Variants in SIM1 observed in about 807,000 individuals in gnomAD.
SIM1 encodes the protein single-minded homolog 1.
In SIM1, 18 loss-of-function variants were observed where a neutral mutation model predicts 78.2. The ratio of observed to expected loss-of-function variants is 0.23; its 90% confidence interval spans 0.16 to 0.34. The LOEUF (loss-of-function observed/expected upper bound fraction) is 0.34, where lower values mean the gene tolerates loss of function less well. Among genes scored for constraint, SIM1 ranks in the 10% least tolerant of loss-of-function variants. The pLI, the probability that SIM1 is intolerant of heterozygous loss-of-function variation, is 1.00. For missense variants in SIM1, 939 were observed against 975.1 expected (o/e 0.96, Z 0.49); for synonymous variants, 417 against 385.2 (o/e 1.08, Z -0.97).
At chr6:100,458,006 TTCTCTCTCTCTCTC>T (rs71028024) in intron 2 of SIM1, among the ~76,000 whole-genome samples, 1,404 of 89,786 alleles carry the variant, frequency 0.016, 6 homozygotes, top group South Asian at 0.021. Flanking sequence ...GTCTCTCTCT[TTCTCTCTCTCTCTC>T]TCTCTCTCTC....
chr6:100,417,186 C>T (rs555614107), intron 10 of SIM1, among the ~76,000 whole-genome samples: 2 of 152,212 alleles, frequency 1.3e-5, no homozygotes, highest in Admixed American at 1.3e-4. Flanking sequence ...CTCCCTTATG[C>T]CCATATACCT....
intron 9 of SIM1, among the ~76,000 whole-genome samples, chr6:100,442,035 T>A (rs1266295312): frequency 6.6e-6 from 1 of 152,144 alleles, no homozygotes. Context: ...ACTCAGCATA[T>A]CTGAGCCTCA....
At chr6:100,447,160 C>T in intron 9 of SIM1, 108 bp downstream of exon 9, 19 of 1,287,272 alleles carry the variant, frequency 1.5e-5, no homozygotes, top group Non-Finnish European at 2.0e-5. Flanking sequence ...GTCAAAATGG[C>T]ATTCCCCGTG....
chr6:100,447,145 C>A, intron 9 of SIM1, 123 bp downstream of exon 9: 1 of 1,102,168 alleles, frequency 9.1e-7, no homozygotes, highest in Non-Finnish European at 1.3e-6. Context: ...AGCCAGCACT[C>A]GAGGGTCAAA....
chr6:100,443,947 T>C (rs1187693195), intron 9 of SIM1, among the ~76,000 whole-genome samples: 2 of 152,142 alleles, frequency 1.3e-5, no homozygotes, highest in Non-Finnish European at 2.9e-5. Context: ...GCAAAGTTTA[T>C]GTTTTAAAAT....
In SIM1 at chr6:100,385,803, C is replaced by T. The variant is rs1770505167; in HGVS notation, c.*4558G>A. 8 of 151,098 alleles carry T rather than the reference C, an allele frequency of 5.3e-5. No individual in the cohort carries two copies. The allele number at this position is 151,098 out of a possible 1,614,324, so 9.4% of individuals were successfully genotyped here. Reference sequence around the variant, plus strand: ...TGTGTGTATGCTTTCTGCATACAGTCCTAGAGAAGGAACTCTGAGCAAACC... The same window carrying T: ...TGTGTGTATGCTTTCTGCATACAGTTCTAGAGAAGGAACTCTGAGCAAACC... On this transcript the variant is annotated 3_prime_UTR_variant, in exon 12 of 12. Coordinates refer to ENST00000369208, the MANE Select transcript of SIM1 (RefSeq NM_005068.3).
rs572902332 is a variant in SIM1, at chr6:100,449,343, C to T, written c.543+20G>A. 7 of 1,605,850 alleles carry T rather than the reference C, an allele frequency of 4.4e-6. No homozygotes were observed. The highest frequency in any genetic ancestry group is 1.7e-4 in the Middle Eastern group (1 of 6,042). ...CCGCCTCCTCTGACTCCACCCGGAG[C>T]GGATCTTCCAGCTACGCACCTTGTA... On this transcript the variant is annotated intron_variant, in intron 6 of 11. Coordinates refer to ENST00000369208, the MANE Select transcript of SIM1 (RefSeq NM_005068.3).
chr6:100,409,726 T>A (rs1023427171), intron 10 of SIM1, among the ~76,000 whole-genome samples: 1 of 152,190 alleles, frequency 6.6e-6, no homozygotes, highest in Non-Finnish European at 1.5e-5. Context: ...TTATATGATG[T>A]GTTCCCATTT....
intron 2 of SIM1, among the ~76,000 whole-genome samples, chr6:100,457,188 G>A (rs550495708): frequency 6.6e-6 from 1 of 152,340 alleles, no homozygotes; most frequent in African/African-American, 2.4e-5. Context: ...GGAAGAGGAG[G>A]AAGATAAGCG....
At chr6:100,404,910 A>C (rs1444549747) in intron 10 of SIM1, among the ~76,000 whole-genome samples, 1 of 152,214 alleles carries the variant, frequency 6.6e-6, no homozygotes, top group Non-Finnish European at 1.5e-5. Flanking sequence ...GTCAAATAAT[A>C]AAGTTCATTT....
At chr6:100,426,024 T>A (rs1043177478) in intron 9 of SIM1, among the ~76,000 whole-genome samples, 1 of 152,224 alleles carries the variant, frequency 6.6e-6, no homozygotes, top group Non-Finnish European at 1.5e-5. Context: ...TCAAGGGCAG[T>A]TCATGCTGTT....
chr6:100,441,428 G>A (rs953219078), intron 9 of SIM1, among the ~76,000 whole-genome samples: 1 of 152,072 alleles, frequency 6.6e-6, no homozygotes, highest in African/African-American at 2.4e-5. Flanking sequence ...CCATCCCCAT[G>A]GGGATGTACA....
chr6:100,455,927 G>T (rs900825710), intron 2 of SIM1, among the ~76,000 whole-genome samples: 3 of 152,172 alleles, frequency 2.0e-5, no homozygotes, highest in African/African-American at 4.8e-5. Context: ...TAGGCCATTT[G>T]TTGTTTCGGG....
intron 2 of SIM1, among the ~76,000 whole-genome samples, chr6:100,461,833 CTTTCTTTCTT>C (rs1307715578): frequency 1.2e-5 from 1 of 85,978 alleles, no homozygotes; most frequent in Non-Finnish European, 2.1e-5. Context: ...TTTTTTCTTT[CTTTCTTTCTT>C]TTTTTTTTTT....
At chr6:100,425,744 C>A (rs955660290) in intron 9 of SIM1, among the ~76,000 whole-genome samples, 1 of 152,158 alleles carries the variant, frequency 6.6e-6, no homozygotes, top group Non-Finnish European at 1.5e-5. Flanking sequence ...CTGGCCCTAC[C>A]CTCTTCCTTT....
intron 2 of SIM1, among the ~76,000 whole-genome samples, chr6:100,455,016 C>T (rs1772610580): frequency 6.6e-6 from 1 of 152,042 alleles, no homozygotes; most frequent in African/African-American, 2.4e-5. Context: ...CGTTAAGGAG[C>T]AAATCACCAA....
intron 9 of SIM1, among the ~76,000 whole-genome samples, chr6:100,434,056 G>A (rs1005734863): frequency 6.6e-6 from 1 of 152,194 alleles, no homozygotes; most frequent in African/African-American, 2.4e-5. Flanking sequence ...ACCAAGAAGA[G>A]ACACAAATAG....
At chr6:100,457,751 C>A (rs925146138) in intron 2 of SIM1, among the ~76,000 whole-genome samples, 4 of 152,254 alleles carry the variant, frequency 2.6e-5, no homozygotes, top group Non-Finnish European at 5.9e-5. Context: ...GCACTGCTGC[C>A]CGCCCTGCCT....
chr6:100,463,622 A>G lies in SIM1; in HGVS notation c.-154T>C. ...TATTTGCACCAAGAACAGTGTATTG[A>G]TGGCAGTAAAAGACCAGCGGGGGTG... On this transcript the variant is annotated 5_prime_UTR_variant, in exon 2 of 12. Transcript: ENST00000369208. 1.5e-6 allele frequency: 1 copy of G among 674,772 alleles called. No homozygotes were observed. The highest frequency in any genetic ancestry group is 2.6e-5 in the East Asian group (1 of 38,910). The allele number at this position is 674,772 out of a possible 1,614,324, so 41.8% of individuals were successfully genotyped here. A position where few individuals can be genotyped will look rare whatever the true frequency, so the allele number is the denominator to read the frequency against.
Sources: allele counts gnomAD v4.1 joint callset (sites outside exome capture counted in the v4.1 genomes callset), GRCh38; gene constraint gnomAD v4.1.1; transcripts MANE v1.5; gene names NCBI Gene and HGNC (gene_info 2026-07-23, HGNC 2026-07-21).